Variants in NECAB1 observed in about 807,000 individuals in gnomAD.
NECAB1 encodes N-terminal EF-hand calcium binding protein 1.
In NECAB1, 29 loss-of-function variants were observed where a neutral mutation model predicts 57.5. The ratio of observed to expected loss-of-function variants is 0.50; its 90% CI spans 0.38 to 0.69. The LOEUF is 0.69. Among genes scored for constraint, NECAB1 ranks in the 30% least tolerant of loss-of-function variants. The pLI is 0.00. For missense variants in NECAB1, 372 were observed against 413.8 expected (o/e 0.90, Z 0.88); for synonymous variants, 142 against 147.7 (o/e 0.96, Z 0.28).
chr8:90,892,857 T>G (rs1208301685), intron 5 of NECAB1, among the ~76,000 whole-genome samples: 2 of 152,184 alleles, frequency 1.3e-5, no homozygotes, highest in African/African-American at 2.4e-5. Flanking sequence ...CTCATTGACC[T>G]CAGGACAAAG....
rs990330463 is a variant in NECAB1 at position 90,840,186 on chromosome 8, G to A, written c.233+15361G>A. Among the ~76,000 whole-genome samples the A allele has an allele frequency of 7.2e-5, 11 of 152,306 alleles. No homozygotes were observed. In the South Asian group the frequency reaches 8.3e-4, roughly 11 times the overall value. ...ATTGACTTCACGGATTGAGTTAGAC[G>A]TGACTTGACTTCAGAATTCAAATTT... On this transcript the variant is annotated intron_variant, in intron 3 of 12. Coordinates refer to ENST00000417640, the MANE Select transcript of NECAB1 (RefSeq NM_022351.5).
intron 3 of NECAB1, among the ~76,000 whole-genome samples, chr8:90,826,176 A>G (rs186273892): frequency 2.9e-3 from 441 of 152,004 alleles, no homozygotes; most frequent in Non-Finnish European, 3.8e-3. Context: ...CTGGAAGAAG[A>G]AGGTGAAGAG....
intron 10 of NECAB1, among the ~76,000 whole-genome samples, chr8:90,948,810 C>A (rs1169470596): frequency 6.6e-6 from 1 of 151,598 alleles, no homozygotes; most frequent in Non-Finnish European, 1.5e-5. Flanking sequence ...TTTATAATAC[C>A]CTCCATACAA....
At chr8:90,826,056 G>A (rs937365864) in intron 3 of NECAB1, among the ~76,000 whole-genome samples, 7 of 151,736 alleles carry the variant, frequency 4.6e-5, no homozygotes, top group African/African-American at 9.7e-5. Context: ...TTTTAGGCTC[G>A]GGGAATATTT....
At chr8:90,858,886 A>C (rs75229665) in intron 3 of NECAB1, among the ~76,000 whole-genome samples, 155 of 152,282 alleles carry the variant, frequency 1.0e-3, no homozygotes, top group African/African-American at 3.6e-3. Flanking sequence ...ATACAATCTA[A>C]CTGCAGCAGT....
chr8:90,924,479 G>C (rs1810209362), intron 6 of NECAB1, among the ~76,000 whole-genome samples: 1 of 152,252 alleles, frequency 6.6e-6, no homozygotes, highest in Non-Finnish European at 1.5e-5. Context: ...ATTAATCTTA[G>C]ATTTGTCTTA....
chr8:90,881,621 T>C (rs1427878778), intron 5 of NECAB1, among the ~76,000 whole-genome samples: 1 of 152,206 alleles, frequency 6.6e-6, no homozygotes, highest in Non-Finnish European at 1.5e-5. Context: ...CATGCCTTGC[T>C]TCTCCTTTGC....
intron 5 of NECAB1, among the ~76,000 whole-genome samples, chr8:90,902,745 T>C (rs1172924114): frequency 6.6e-6 from 1 of 152,146 alleles, no homozygotes; most frequent in Non-Finnish European, 1.5e-5. Context: ...AATGGGACTT[T>C]AAATTAGTAC....
intron 3 of NECAB1, among the ~76,000 whole-genome samples, chr8:90,842,210 A>G (rs1486192064): frequency 6.6e-6 from 1 of 152,240 alleles, no homozygotes; most frequent in Non-Finnish European, 1.5e-5. Flanking sequence ...GGTGGAAAAT[A>G]ATAAAAAGGT....
chr8:90,807,965 A>G (rs748284278), intron 2 of NECAB1, among the ~76,000 whole-genome samples: 3 of 152,222 alleles, frequency 2.0e-5, no homozygotes, highest in Non-Finnish European at 4.4e-5. Context: ...TCTGAATGTA[A>G]TGATTTTTTT....
chr8:90,822,452 G>A (rs1283255212), intron 2 of NECAB1, among the ~76,000 whole-genome samples: 1 of 151,876 alleles, frequency 6.6e-6, no homozygotes, highest in African/African-American at 2.4e-5. Context: ...GGTCACAACA[G>A]GTTTTCAAAG....
At chr8:90,941,247 T>C (rs1810663673) in intron 10 of NECAB1, among the ~76,000 whole-genome samples, 1 of 152,228 alleles carries the variant, frequency 6.6e-6, no homozygotes, top group African/African-American at 2.4e-5. Flanking sequence ...AAATCATCTC[T>C]GGTAGATGAG....
intron 3 of NECAB1, among the ~76,000 whole-genome samples, chr8:90,868,715 CTT>C (rs1808564283): frequency 6.6e-6 from 1 of 152,144 alleles, no homozygotes; most frequent in African/African-American, 2.4e-5. Context: ...GAAACTGAAA[CTT>C]ATATTTAAAA....
chr8:90,834,475 CCTTCCA>C (rs1190754315), intron 3 of NECAB1, among the ~76,000 whole-genome samples: 1 of 151,990 alleles, frequency 6.6e-6, no homozygotes, highest in Non-Finnish European at 1.5e-5. Flanking sequence ...CTTGTGTGTC[CCTTCCA>C]CTTATGTAAG....
In NECAB1 at chr8:90,802,155, C is replaced by A. The variant is rs116165569; in HGVS notation, c.124+440C>A. Among the ~76,000 whole-genome samples, 676 of 152,352 alleles carry A rather than the reference C, an allele frequency of 4.4e-3. 7 individuals are homozygous for A. Among genetic ancestry groups the A allele is most frequent in the African/African-American group, 0.015 (627 of 41,580 alleles). ...CTGGACTCTCCACACTGAGCTTTAA[C>A]ATGGCTTTGGAGATTTTACTGTACT... On this transcript the variant is annotated intron_variant, in intron 2 of 12. Transcript: ENST00000417640.
chr8:90,920,909 A>G (rs555482384), intron 6 of NECAB1, among the ~76,000 whole-genome samples: 7 of 152,320 alleles, frequency 4.6e-5, no homozygotes, highest in African/African-American at 1.4e-4. Flanking sequence ...GCTACACAGG[A>G]GCAGTTGGTG....
intron 12 of NECAB1, among the ~76,000 whole-genome samples, chr8:90,954,915 T>C (rs1215598320): frequency 6.8e-6 from 1 of 146,762 alleles, no homozygotes; most frequent in African/African-American, 2.5e-5. Context: ...TGTATGTGTA[T>C]ACAAATGCAT....
At chr8:90,834,030 G>A (rs1416728549) in intron 3 of NECAB1, among the ~76,000 whole-genome samples, 2 of 151,930 alleles carry the variant, frequency 1.3e-5, no homozygotes, top group African/African-American at 4.8e-5. Flanking sequence ...AGGCATGGTG[G>A]CGCATGCCTG....
chr8:90,927,204 C>CTCTTTTTTTTTTTTTT (rs10630870), intron 7 of NECAB1, among the ~76,000 whole-genome samples: 2 of 131,128 alleles, frequency 1.5e-5, no homozygotes, highest in African/African-American at 3.0e-5. Flanking sequence ...TTTTCTCTCT[C>CTCTTTTTTTTTTTTTT]TTTTTTTTTT....
Sources: allele counts gnomAD v4.1 joint callset (sites outside exome capture counted in the v4.1 genomes callset), GRCh38; gene constraint gnomAD v4.1.1; transcripts MANE v1.5; gene names NCBI Gene and HGNC (gene_info 2026-07-23, HGNC 2026-07-21).